The following PCDHGA11 variants were observed in gnomAD, a reference collection of about 807,000 sequenced individuals.
PCDHGA11 encodes the protein protocadherin gamma-A11.
PCDHGA11 carries 39 observed loss-of-function variants against 60.4 expected under a neutral mutation model. That is an observed-to-expected ratio of 0.65 (90% confidence interval 0.50 to 0.84). The LOEUF is 0.84. Ranked by LOEUF, PCDHGA11 falls within the 40% of genes least tolerant of loss-of-function variation. The probability of loss-of-function intolerance (pLI) is 0.00; values close to 1 mark genes in which losing one functional copy is unlikely to be tolerated. For missense variants in PCDHGA11, 1,165 were observed against 1,197.7 expected (o/e 0.97, Z 0.40); for synonymous variants, 533 against 510.3 (o/e 1.04, Z -0.60).
In PCDHGA11 at chr5:141,493,985, C is replaced by A. The variant is rs1444608753; in HGVS notation, c.2434-822C>A. On this transcript the variant is annotated intron_variant, in intron 1 of 3. Coordinates refer to ENST00000398587, the MANE Select transcript of PCDHGA11 (RefSeq NM_018914.3). This position sits in a 1 kb window ranked among gnomAD's most constrained non-coding sequence, Gnocchi z 4.3. ...GCTGGCCAGAGCCCCACACCTTCAGCTAGGTGGGAGATGGCTACACATCAG... is the reference window on the plus strand; with the variant it reads ...GCTGGCCAGAGCCCCACACCTTCAGATAGGTGGGAGATGGCTACACATCAG... Among the ~76,000 whole-genome samples the A allele has an allele frequency of 6.6e-6, 1 of 152,196 alleles. No individual in the cohort carries two copies. The highest frequency in any genetic ancestry group is 1.5e-5 in the Non-Finnish European group (1 of 68,032).
chr5:141,432,476 A>G lies in PCDHGA11; in HGVS notation c.2433+8816A>G. 1 of 1,614,080 alleles carries G rather than the reference A, an allele frequency of 6.2e-7. No homozygotes were observed. Among genetic ancestry groups the G allele is most frequent in the East Asian group, 2.2e-5 (1 of 44,874 alleles). ...CCCCGCCCTCCCCACGGACGGTTCCACTGGCGTGGAGCTGGCTCCCCGCTC... is the reference window on the plus strand; with the variant it reads ...CCCCGCCCTCCCCACGGACGGTTCCGCTGGCGTGGAGCTGGCTCCCCGCTC... On this transcript the variant is annotated intron_variant, in intron 1 of 3. Transcript: ENST00000398587. The surrounding 1 kb of genome is among the most constrained non-coding windows in gnomAD (Gnocchi z 6.0).
rs767500900 is a variant in PCDHGA11 at position 141,421,469 on chromosome 5, G to T, written c.242G>T (p.Arg81Leu). ...ACACAGCTTTTCGCTGTGAATCCGC[G>T]AAGCGGCAGCTTGATCACGGCAGGC... ...GKTQLFAVNP[R>L]SGSLITAGRI... Residue 81 changes from arginine (R) to leucine (L), a missense_variant, in exon 1 of 4, where the codon CGA becomes CTA. Physicochemically the swap from Arg to Leu is moderately radical, Grantham distance 102. Coordinates refer to ENST00000398587, the MANE Select transcript of PCDHGA11 (RefSeq NM_018914.3). 1 of 1,614,122 alleles carries T rather than the reference G, an allele frequency of 6.2e-7. No homozygotes were observed. Among genetic ancestry groups the T allele is most frequent in the South Asian group, 1.1e-5 (1 of 91,090 alleles).
chr5:141,478,767 C>T (rs953695562), intron 1 of PCDHGA11: 44 of 1,500,650 alleles, frequency 2.9e-5, no homozygotes, highest in Non-Finnish European at 3.9e-5. Context: ...ATACTTGACT[C>T]ATCTGTGGAC....
At chr5:141,481,318 A>C (rs758947998) in intron 1 of PCDHGA11, among the ~76,000 whole-genome samples, 6 of 152,216 alleles carry the variant, frequency 3.9e-5, no homozygotes, top group Non-Finnish European at 8.8e-5. Context: ...TTCCTAAAGC[A>C]CTAGCCCCTG....
intron 1 of PCDHGA11, among the ~76,000 whole-genome samples, chr5:141,467,790 C>T (rs1321576171): frequency 6.6e-6 from 1 of 152,118 alleles, no homozygotes; most frequent in Non-Finnish European, 1.5e-5. Context: ...TCTCAAGTAG[C>T]TGGGACTACA....
intron 1 of PCDHGA11, among the ~76,000 whole-genome samples, chr5:141,455,125 A>G (rs952979433): frequency 3.5e-4 from 53 of 151,762 alleles, no homozygotes; most frequent in Non-Finnish European, 1.0e-4. Flanking sequence ...CTAATGTTTT[A>G]AATTACACTG....
intron 1 of PCDHGA11, among the ~76,000 whole-genome samples, chr5:141,450,829 A>ATTTT (rs373424450): frequency 2.2e-4 from 30 of 135,142 alleles, no homozygotes; most frequent in African/African-American, 6.3e-4. Flanking sequence ...TATTATTATT[A>ATTTT]TTTTTTTTTT....
In PCDHGA11 at chr5:141,476,868, C is replaced by G. The variant is rs1213404395; in HGVS notation, c.2434-17939C>G. On this transcript the variant is annotated intron_variant, in intron 1 of 3. Transcript: ENST00000398587. This position sits in a 1 kb window ranked among gnomAD's most constrained non-coding sequence, Gnocchi z 7.6. Reference sequence around the variant, plus strand: ...GTCTTCAACCAGTCCTTGTACCGGGCGCGCGTCCTGGAGGATGCACCCTCC... The same window carrying G: ...GTCTTCAACCAGTCCTTGTACCGGGGGCGCGTCCTGGAGGATGCACCCTCC... 2.5e-6 allele frequency: 4 copies of G among 1,613,874 alleles called. No homozygotes were observed. Among genetic ancestry groups the G allele is most frequent in the Non-Finnish European group, 3.4e-6 (4 of 1,180,050 alleles).
chr5:141,427,978 T>C (rs750753961), intron 1 of PCDHGA11: 1 of 1,595,484 alleles, frequency 6.3e-7, no homozygotes, highest in African/African-American at 1.3e-5. Flanking sequence ...TACCCCGCGC[T>C]GGGGCCCGAT....
At position 141,494,833 on chromosome 5, in the gene PCDHGA11, T is replaced by C. The variant is rs537340090; in HGVS notation, c.2460T>C (p.Arg820=). 1 of 1,614,094 alleles carries C rather than the reference T, an allele frequency of 6.2e-7. No homozygotes were observed. The highest frequency in any genetic ancestry group is 1.7e-5 in the Admixed American group (1 of 60,014). Residue 820 remains arginine, a synonymous_variant, in exon 2 of 4, where the codon CGT becomes CGC. Coordinates refer to ENST00000398587, the MANE Select transcript of PCDHGA11 (RefSeq NM_018914.3). ...NQQAPPNTDW[R]FSQAQRPGTS... Reference sequence around the variant, plus strand: ...AAGCCCCGCCCAACACGGACTGGCGTTTCTCTCAGGCCCAGAGACCCGGCA... The same window carrying C: ...AAGCCCCGCCCAACACGGACTGGCGCTTCTCTCAGGCCCAGAGACCCGGCA...
chr5:141,487,675 A>G lies in PCDHGA11; in HGVS notation c.2434-7132A>G, dbSNP rs752606441. ...GTTATTCTGATCCAGGCATATGGCT[A>G]GGCCATGTCCTAGAGAGTACTGGCC... On this transcript the variant is annotated intron_variant, in intron 1 of 3. Transcript: ENST00000398587. This position sits in a 1 kb window ranked among gnomAD's most constrained non-coding sequence, Gnocchi z 5.0. 22 of 1,611,038 alleles carry G rather than the reference A, an allele frequency of 1.4e-5. No individual in the cohort carries two copies. Among genetic ancestry groups the G allele is most frequent in the Non-Finnish European group, 1.7e-5 (20 of 1,178,458 alleles).
rs761106133 is a variant in PCDHGA11 at position 141,432,117 on chromosome 5, C to A, written c.2433+8457C>A. 1 of 1,614,180 alleles carries A rather than the reference C, an allele frequency of 6.2e-7. No individual in the cohort carries two copies. Among genetic ancestry groups the A allele is most frequent in the Admixed American group, 1.7e-5 (1 of 60,024 alleles). ...ACCAACGACAACCCGCCGGTCTTCC[C>A]TCAGGCCTCCTATTCCGCTTATATC... On this transcript the variant is annotated intron_variant, in intron 1 of 3. Transcript: ENST00000398587. The surrounding 1 kb of genome is among the most constrained non-coding windows in gnomAD (Gnocchi z 6.0).
intron 1 of PCDHGA11, chr5:141,478,401 T>G: frequency 6.2e-7 from 1 of 1,613,480 alleles, no homozygotes; most frequent in South Asian, 1.1e-5. Context: ...CAGGTGTATC[T>G]CACCACGGAC....
chr5:141,424,383 T>C (rs2096817494), intron 1 of PCDHGA11: 2 of 152,238 alleles, frequency 1.3e-5, no homozygotes, highest in Non-Finnish European at 2.9e-5. Context: ...AAGCTCTAGA[T>C]GTCTTTTCCA....
intron 1 of PCDHGA11, among the ~76,000 whole-genome samples, chr5:141,464,193 A>C (rs991769179): frequency 1.3e-5 from 2 of 149,674 alleles, no homozygotes; most frequent in Non-Finnish European, 3.0e-5. Flanking sequence ...TGATTTCAGG[A>C]GGCGGAGATT....
Position 141,491,302 on chromosome 5 carries a change from T to TC in PCDHGA11, c.2434-3504dup. The TC allele has an allele frequency of 6.2e-7, 1 of 1,614,126 alleles. No individual in the cohort carries two copies. Among genetic ancestry groups the TC allele is most frequent in the Non-Finnish European group, 8.5e-7 (1 of 1,180,000 alleles). On this transcript the variant is annotated intron_variant, in intron 1 of 3. Transcript: ENST00000398587. The surrounding 1 kb of genome is among the most constrained non-coding windows in gnomAD (Gnocchi z 6.9). ...CTTCCTCATACACCCTCCTGAGCGT[T>TC]CAGACCTTACCCTTTACCTCATTGT... is the stretch of plus-strand genomic sequence containing the variant.
chr5:141,421,203 G>T lies in PCDHGA11; in HGVS notation c.-25G>T. ...TCACAACCAACCAGCTCGAGAAACC[G>T]CGGAATATCGGCTTAGAGCCTGCCA... On this transcript the variant is annotated 5_prime_UTR_variant, in exon 1 of 4. Transcript: ENST00000398587. 1 of 1,522,612 alleles carries T rather than the reference G, an allele frequency of 6.6e-7. No homozygotes were observed. The highest frequency in any genetic ancestry group is 8.8e-7 in the Non-Finnish European group (1 of 1,137,528). The allele number at this position is 1,522,612 out of a possible 1,614,324, so 94.3% of individuals were successfully genotyped here.
chr5:141,450,776 C>G (rs757791026), intron 1 of PCDHGA11, among the ~76,000 whole-genome samples: 1 of 151,440 alleles, frequency 6.6e-6, no homozygotes, highest in Non-Finnish European at 1.5e-5. Flanking sequence ...CATGAGCCAC[C>G]GTGCCCGGAC....
In PCDHGA11 at chr5:141,432,688, A is replaced by T; in HGVS notation, c.2433+9028A>T. 1 of 1,613,896 alleles carries T rather than the reference A, an allele frequency of 6.2e-7. No homozygotes were observed. The highest frequency in any genetic ancestry group is 1.1e-5 in the South Asian group (1 of 91,078). ...GAGACGCGCTCAAGCAGAGCCTCGTAGTGGCCGTCCAGGACCACGGCCAGC... is the reference window on the plus strand; with the variant it reads ...GAGACGCGCTCAAGCAGAGCCTCGTTGTGGCCGTCCAGGACCACGGCCAGC... On this transcript the variant is annotated intron_variant, in intron 1 of 3. Transcript: ENST00000398587. This position sits in a 1 kb window ranked among gnomAD's most constrained non-coding sequence, Gnocchi z 6.0.
Sources: gnomAD v4.1 joint callset for allele counts (sites outside exome capture counted in the v4.1 genomes callset) on GRCh38, gnomAD v4.1.1 for gene constraint, Gnocchi (gnomAD v3.1) non-coding constraint, MANE v1.5 for transcripts, NCBI Gene and HGNC (gene_info 2026-07-23, HGNC 2026-07-21) for gene names.